Variants in IQUB observed in about 807,000 individuals in gnomAD.
IQUB encodes IQ motif and ubiquitin domain containing.
In IQUB, 86 loss-of-function variants were observed where a neutral mutation model predicts 86.4. That is an observed-to-expected ratio of 1.00 (90% CI 0.84 to 1.19). The LOEUF (loss-of-function observed/expected upper bound fraction) is 1.19. Among genes scored for constraint, IQUB ranks in the 50% most tolerant of loss-of-function variants. The pLI, the probability that IQUB is intolerant of heterozygous loss-of-function variation, is 0.00. For synonymous variants in IQUB, 289 were observed against 304.5 expected (o/e 0.95, Z 0.53); for missense variants, 946 against 916.9 (o/e 1.03, Z -0.41).
chr7:123,479,731 T>C, intron 8 of IQUB, 64 bp downstream of exon 8: 1 of 1,168,426 alleles, frequency 8.6e-7, no homozygotes, highest in Non-Finnish European at 1.2e-6. Context: ...TCTTGTCTGG[T>C]ACATTATTCT....
intron 1 of IQUB, among the ~76,000 whole-genome samples, chr7:123,516,446 T>C (rs2117289681): frequency 6.6e-6 from 1 of 152,304 alleles, no homozygotes; most frequent in South Asian, 2.1e-4. Flanking sequence ...TTTATGTGGC[T>C]TTCTGATTTT....
chr7:123,525,689 G>A (rs1332086668), intron 1 of IQUB, among the ~76,000 whole-genome samples: 2 of 152,004 alleles, frequency 1.3e-5, no homozygotes, highest in Admixed American at 6.6e-5. Context: ...GGTTTTTTGT[G>A]TCTCTGTTTC....
chr7:123,507,870 CAA>C (rs36049359), intron 3 of IQUB, among the ~76,000 whole-genome samples: 3 of 132,210 alleles, frequency 2.3e-5, no homozygotes, highest in Non-Finnish European at 1.6e-5. Flanking sequence ...GACTCCATCT[CAA>C]AAAAAAAAAA....
chr7:123,486,069 G>A (rs952486020), intron 7 of IQUB, among the ~76,000 whole-genome samples: 3 of 152,124 alleles, frequency 2.0e-5, no homozygotes, highest in South Asian at 2.1e-4. Context: ...CAGCTGGAGA[G>A]GTATAAGGAG....
chr7:123,468,461 G>A (rs1338691078), intron 9 of IQUB, among the ~76,000 whole-genome samples: 1 of 152,152 alleles, frequency 6.6e-6, no homozygotes, highest in South Asian at 2.1e-4. Context: ...ACTCTCAAGC[G>A]AGGCTCTTCC....
rs980912047 is a variant in IQUB, at chr7:123,457,413, C to A, written c.2161G>T (p.Ala721Ser). The stretch of plus-strand genomic sequence containing the variant: ...ATACTTGTTAGCTTGAGATGAGCAG[C>A]TGCTTCATCTTTGGTAAGAAGAATG... ...NCILLTKDEA[A>S]AHLKLTSIEE... Residue 721 changes from alanine (A) to serine (S), a missense_variant, in exon 12 of 13, where the codon GCT (alanine) becomes TCT (serine). Ala to Ser is a moderately conservative substitution (Grantham distance 99). Coordinates refer to ENST00000324698, the MANE Select transcript of IQUB (RefSeq NM_178827.5). 6.2e-7 allele frequency: 1 copy of A among 1,612,082 alleles called. No individual in the cohort carries two copies. Among genetic ancestry groups the A allele is most frequent in the Non-Finnish European group, 8.5e-7 (1 of 1,178,980 alleles).
At chr7:123,506,763 G>A (rs926730447) in intron 3 of IQUB, among the ~76,000 whole-genome samples, 1 of 152,150 alleles carries the variant, frequency 6.6e-6, no homozygotes, top group African/African-American at 2.4e-5. Context: ...GAACAGAGAA[G>A]CATATATGCA....
intron 7 of IQUB, among the ~76,000 whole-genome samples, chr7:123,488,440 G>C (rs368075147): frequency 2.0e-5 from 3 of 152,278 alleles, no homozygotes; most frequent in Admixed American, 1.3e-4. Context: ...AGAATCCGTG[G>C]TGGGAGGTAG....
chr7:123,462,793 G>C (rs759181821), intron 10 of IQUB: 27 of 454,428 alleles, frequency 5.9e-5, no homozygotes, highest in African/African-American at 4.8e-4. Flanking sequence ...TATAGATGGA[G>C]CATTTACTAT....
At chr7:123,480,241 T>C (rs903048429) in intron 7 of IQUB, among the ~76,000 whole-genome samples, 3 of 152,100 alleles carry the variant, frequency 2.0e-5, no homozygotes, top group African/African-American at 7.2e-5. Flanking sequence ...CTGCCTAGCA[T>C]TGACAAAAAT....
chr7:123,473,666 C>A (rs1794631932), intron 8 of IQUB, among the ~76,000 whole-genome samples: 1 of 152,104 alleles, frequency 6.6e-6, no homozygotes, highest in Non-Finnish European at 1.5e-5. Flanking sequence ...GCTTCCACCT[C>A]CCGGGTTCAA....
intron 3 of IQUB, among the ~76,000 whole-genome samples, chr7:123,504,212 G>A (rs943201056): frequency 6.6e-6 from 1 of 152,102 alleles, no homozygotes; most frequent in African/African-American, 2.4e-5. Context: ...CACTTTGGGA[G>A]GCCAAAGTGG....
At chr7:123,465,491 AACTG>A (rs1794208881) in intron 9 of IQUB, among the ~76,000 whole-genome samples, 5 of 152,008 alleles carry the variant, frequency 3.3e-5, no homozygotes, top group African/African-American at 1.2e-4. Flanking sequence ...ATATTTGTTA[AACTG>A]TACGTATATA....
At position 123,469,356 on chromosome 7, in the gene IQUB, G is replaced by C. The variant is rs764834444; in HGVS notation, c.1439C>G (p.Pro480Arg). Residue 480 changes from proline to arginine, a missense_variant, in exon 9 of 13, where the codon CCT becomes CGT. Coordinates refer to ENST00000324698, the MANE Select transcript of IQUB (RefSeq NM_178827.5). ...ATCCATCTCAATTGTTTTGCCATTA[G>C]GGGTTCTCCATATTTTTGGAGCTGA... ...KCSAPKIWRTPNGKTIEMDTQ... is the reference protein window; with the variant it reads ...KCSAPKIWRTRNGKTIEMDTQ... 4 of 1,596,808 alleles carry C rather than the reference G, an allele frequency of 2.5e-6. No individual in the cohort carries two copies. The East Asian group carries it at 9.0e-5, about 36-fold the overall frequency.
At chr7:123,467,012 T>A (rs1794295042) in intron 9 of IQUB, among the ~76,000 whole-genome samples, 1 of 152,080 alleles carries the variant, frequency 6.6e-6, no homozygotes, top group Non-Finnish European at 1.5e-5. Flanking sequence ...ACTTGAGAAC[T>A]CACAAGCACA....
Position 123,496,868 on chromosome 7 carries a change from A to G in IQUB, c.1062T>C (p.Ala354=), listed in dbSNP as rs376379056. The G allele has an allele frequency of 2.5e-6, 4 of 1,612,346 alleles. No individual in the cohort carries two copies. Among genetic ancestry groups the G allele is most frequent in the Non-Finnish European group, 3.4e-6 (4 of 1,179,312 alleles). ...TTCTTAAATTCTCTACGAAGATTTT[A>G]GCATGCCATTGCCTGTAGTAAGTCT... is the stretch of plus-strand genomic sequence containing the variant. ...VIQTYYRQWH[A]KIFVENLRRQ... Residue 354 remains alanine, a synonymous_variant, in exon 7 of 13, where the codon GCT becomes GCC. Coordinates refer to ENST00000324698, the MANE Select transcript of IQUB (RefSeq NM_178827.5).
intron 8 of IQUB, among the ~76,000 whole-genome samples, chr7:123,473,112 A>C (rs1794604351): frequency 1.3e-5 from 2 of 152,148 alleles, no homozygotes; most frequent in South Asian, 4.1e-4. Context: ...TTCCTCTTAA[A>C]TTAATTATCA....
chr7:123,479,020 T>A (rs1287718694), intron 8 of IQUB, among the ~76,000 whole-genome samples: 1 of 151,950 alleles, frequency 6.6e-6, no homozygotes, highest in African/African-American at 2.4e-5. Flanking sequence ...AATAAAGGAG[T>A]GAAGAAGATG....
chr7:123,452,589 A>C lies in IQUB; in HGVS notation c.*154T>G, dbSNP rs923191096. The C allele has an allele frequency of 2.3e-6, 1 of 428,462 alleles. No homozygotes were observed. Among genetic ancestry groups the C allele is most frequent in the Non-Finnish European group, 4.1e-6 (1 of 246,406 alleles). 26.5% of individuals were successfully genotyped at this position (428,462 alleles called of 1,614,324 possible). A position where few individuals can be genotyped will look rare whatever the true frequency, so the allele number is the denominator to read the frequency against. On this transcript the variant is annotated 3_prime_UTR_variant, in exon 13 of 13. Transcript: ENST00000324698. Reference sequence around the variant, plus strand: ...TAACAAAGAATACTTACTTATATAGAAATGTTTTCTCTTTATATAACTCAA... The same window carrying C: ...TAACAAAGAATACTTACTTATATAGCAATGTTTTCTCTTTATATAACTCAA...
Sources: allele counts gnomAD v4.1 joint callset (sites outside exome capture counted in the v4.1 genomes callset), GRCh38; gene constraint gnomAD v4.1.1; transcripts MANE v1.5; gene names NCBI Gene and HGNC (gene_info 2026-07-23, HGNC 2026-07-21).